Variants in CACNA1C observed in about 807,000 individuals in gnomAD.
The protein encoded by CACNA1C is voltage-dependent L-type calcium channel subunit alpha-1C.
CACNA1C carries 30 observed loss-of-function variants against 229.0 expected under a neutral mutation model. That is an observed-to-expected ratio of 0.13 (90% CI 0.10 to 0.18). CACNA1C has a LOEUF of 0.18. CACNA1C is among the 10% of genes least tolerant of loss of function. The pLI is 1.00. For missense variants in CACNA1C, 1,658 were observed against 2,845.0 expected (o/e 0.58, Z 9.49); for synonymous variants, 1,114 against 1,132.5 (o/e 0.98, Z 0.33).
At chr12:2,291,502 A>T (rs906380312) in intron 3 of CACNA1C, among the ~76,000 whole-genome samples, 5 of 152,358 alleles carry the variant, frequency 3.3e-5, no homozygotes, top group Middle Eastern at 3.4e-3. Context: ...TGTTTTAATT[A>T]CTTCAAATTG....
chr12:2,506,629 C>G lies in CACNA1C; in HGVS notation c.1217+1684C>G, dbSNP rs114687871. On this transcript the variant is annotated intron_variant, in intron 8 of 46. Coordinates refer to ENST00000399655, the MANE Select transcript of CACNA1C (RefSeq NM_000719.7). ...TCATCAAATATTAGACATGCTCCAG[C>G]CTTTCCTCTTAAAGATGAGGAGCGT... is the stretch of plus-strand genomic sequence containing the variant. Among the ~76,000 whole-genome samples the G allele has an allele frequency of 7.3e-3, 1,116 of 152,276 alleles. 18 individuals carry two copies. The highest frequency in any genetic ancestry group is 0.026 in the African/African-American group (1,064 of 41,548).
rs538100448 is a variant in CACNA1C at position 2,108,923 on chromosome 12, A to G, written c.50-6301A>G. On this transcript the variant is annotated intron_variant, in intron 1 of 46. Coordinates refer to ENST00000399655, the MANE Select transcript of CACNA1C (RefSeq NM_000719.7). This position sits in a 1 kb window ranked among gnomAD's most constrained non-coding sequence, Gnocchi z 5.3. Reference sequence around the variant, plus strand: ...GCAGGCCCCTTGTCACTACAGCAAGATGACAGACAGCAAGAGCCAAGTGGG... The same window carrying G: ...GCAGGCCCCTTGTCACTACAGCAAGGTGACAGACAGCAAGAGCCAAGTGGG... Among the ~76,000 whole-genome samples, 1 of 152,336 alleles carries G rather than the reference A, an allele frequency of 6.6e-6. No individual in the cohort carries two copies. The highest frequency in any genetic ancestry group is 2.4e-5 in the African/African-American group (1 of 41,572).
intron 3 of CACNA1C, among the ~76,000 whole-genome samples, chr12:2,334,194 G>A (rs1030155996): frequency 2.0e-5 from 3 of 152,204 alleles, no homozygotes; most frequent in African/African-American, 7.2e-5. Context: ...GGCAGAAAGT[G>A]GGTGGAAGCC....
chr12:2,317,436 C>T lies in CACNA1C; in HGVS notation c.478-131540C>T, dbSNP rs149140816. Among the ~76,000 whole-genome samples the T allele has an allele frequency of 4.1e-3, 628 of 152,222 alleles. 6 individuals are homozygous for T. The highest frequency in any genetic ancestry group is 0.013 in the African/African-American group (541 of 41,506). ...GCATGACTCTATTTGTATGAAGTGC[C>T]TAGAGTAATGGAATTTATAGAGATG... On this transcript the variant is annotated intron_variant, in intron 3 of 46. Coordinates refer to ENST00000399655, the MANE Select transcript of CACNA1C (RefSeq NM_000719.7).
rs893022167 is a variant in CACNA1C at position 2,696,593 on chromosome 12, G to C, written c.*5394G>C. The C allele has an allele frequency of 7.0e-6, 1 of 142,706 alleles. No individual in the cohort carries two copies. The highest frequency in any genetic ancestry group is 1.5e-5 in the Non-Finnish European group (1 of 67,306). The allele number at this position is 142,706 out of a possible 1,614,324, so 8.8% of individuals were successfully genotyped here. The stretch of plus-strand genomic sequence containing the variant: ...AATTCACTCATGCACCTCAAACCAA[G>C]GTCATTATCCAAAAAAAAAAAAAAA... On this transcript the variant is annotated 3_prime_UTR_variant, in exon 47 of 47. Coordinates refer to ENST00000399655, the MANE Select transcript of CACNA1C (RefSeq NM_000719.7).
intron 3 of CACNA1C, among the ~76,000 whole-genome samples, chr12:2,143,276 C>A (rs1565955085): frequency 6.6e-6 from 1 of 151,022 alleles, no homozygotes; most frequent in Non-Finnish European, 1.5e-5. Flanking sequence ...CCTAGAAAAT[C>A]TTTAAAATAA....
intron 30 of CACNA1C, among the ~76,000 whole-genome samples, chr12:2,644,372 T>C (rs1372958596): frequency 1.3e-5 from 2 of 152,026 alleles, no homozygotes; most frequent in African/African-American, 4.8e-5. Flanking sequence ...CGCAGGAGAG[T>C]ATTGTGGAGG....
chr12:2,074,073 T>C (rs2062298287), intron 1 of CACNA1C, among the ~76,000 whole-genome samples: 1 of 152,182 alleles, frequency 6.6e-6, no homozygotes, highest in Non-Finnish European at 1.5e-5. Flanking sequence ...GGTTGTATTT[T>C]ATACAGCAAG....
intron 3 of CACNA1C, among the ~76,000 whole-genome samples, chr12:2,379,524 A>G (rs988455698): frequency 2.0e-5 from 3 of 152,136 alleles, no homozygotes; most frequent in African/African-American, 7.2e-5. Context: ...CTCCCGATAG[A>G]ACAGCTTTTT....
rs1237228580 is a variant in CACNA1C, at chr12:2,691,113, G to A, written c.6331G>A (p.Glu2111Lys). The A allele has an allele frequency of 1.9e-6, 3 of 1,611,888 alleles. No homozygotes were observed. The East Asian group carries it at 6.7e-5, about 36-fold the overall frequency. Reference sequence around the variant, plus strand: ...CGCGGGGCAGGACCGAGCCGGGGGCGAAGAGGACGCGGGCTGTGTGCGCGC... The same window carrying A: ...CGCGGGGCAGGACCGAGCCGGGGGCAAAGAGGACGCGGGCTGTGTGCGCGC... Reference protein sequence around the residue: ...RDAGQDRAGGEEDAGCVRARG... With the variant: ...RDAGQDRAGGKEDAGCVRARG... The change falls in exon 47 of 47, where the codon GAA becomes AAA. Residue 2111 changes from glutamate to lysine, a missense_variant. Around this residue, in one of 20 missense-constraint regions of CACNA1C, gnomAD observed 590 missense variants for 700.8 expected, o/e 0.84. Transcript: ENST00000399655.
chr12:2,424,968 A>C (rs1405611027), intron 3 of CACNA1C, among the ~76,000 whole-genome samples: 1 of 152,098 alleles, frequency 6.6e-6, no homozygotes, highest in Non-Finnish European at 1.5e-5. Context: ...GGCCCACTGG[A>C]CTCACCTGGG....
intron 3 of CACNA1C, among the ~76,000 whole-genome samples, chr12:2,426,735 G>A (rs2099035890): frequency 6.6e-6 from 1 of 152,210 alleles, no homozygotes; most frequent in South Asian, 2.1e-4. Context: ...TCTGCTGTCA[G>A]CTGGTGGTTT....
At chr12:2,589,553 AGGCCGGGGCAG>A (rs895519346) in intron 18 of CACNA1C, among the ~76,000 whole-genome samples, 5 of 152,194 alleles carry the variant, frequency 3.3e-5, no homozygotes, top group Admixed American at 6.5e-5. Flanking sequence ...CTGAGGCGAG[AGGCCGGGGCAG>A]GGCAGGAGGG....
intron 1 of CACNA1C, among the ~76,000 whole-genome samples, chr12:2,077,957 C>T (rs191204754): frequency 1.6e-4 from 24 of 152,322 alleles, no homozygotes; most frequent in Non-Finnish European, 3.2e-4. Context: ...AAATCTAAGA[C>T]ATTGATAGAT....
At chr12:2,072,320 TCCTGA>T (rs1370928659) in intron 1 of CACNA1C, among the ~76,000 whole-genome samples, 2 of 152,144 alleles carry the variant, frequency 1.3e-5, no homozygotes, top group African/African-American at 4.8e-5. Flanking sequence ...TGCCCCAGCC[TCCTGA>T]GTAGCTGGGA....
chr12:2,019,721 T>C (rs1283518676), intron 1 of CACNA1C, among the ~76,000 whole-genome samples: 1 of 152,158 alleles, frequency 6.6e-6, no homozygotes, highest in African/African-American at 2.4e-5. Flanking sequence ...TGCTCACAGA[T>C]TGATTTAGTT....
intron 3 of CACNA1C, among the ~76,000 whole-genome samples, chr12:2,230,141 T>A (rs1027449949): frequency 3.9e-5 from 6 of 152,070 alleles, no homozygotes; most frequent in Non-Finnish European, 7.4e-5. Flanking sequence ...GTGCTCAGGA[T>A]GTCCCCTCCC....
At position 2,295,444 on chromosome 12, in the gene CACNA1C, G is replaced by A. The variant is rs574428842; in HGVS notation, c.478-153532G>A. On this transcript the variant is annotated intron_variant, in intron 3 of 46. Coordinates refer to ENST00000399655, the MANE Select transcript of CACNA1C (RefSeq NM_000719.7). ...ACTGTGCACATGAGCCCTGTGGCAC[G>A]TGACAACTGTGCCTGGATACCCCAA... is the stretch of plus-strand genomic sequence containing the variant. Among the ~76,000 whole-genome samples the A allele has an allele frequency of 2.8e-4, 42 of 152,230 alleles. No homozygotes were observed. The South Asian group carries it at 7.9e-3, about 29-fold the overall frequency.
chr12:2,651,830 C>CTTTTTTA lies in CACNA1C; in HGVS notation c.4074+62_4074+63insTTTTTTA. On this transcript the variant is annotated intron_variant, in intron 32 of 46. Coordinates refer to ENST00000399655, the MANE Select transcript of CACNA1C (RefSeq NM_000719.7). This position sits in a 1 kb window ranked among gnomAD's most constrained non-coding sequence, Gnocchi z 5.4. ...CAGGGCTGCCGCGTGGCCCAGAACA[C>CTTTTTTA]AGCTGACACAAGGAGGAGCCCTCCA... The CTTTTTTA allele has an allele frequency of 7.4e-7, 1 of 1,350,850 alleles. No individual in the cohort carries two copies. The highest frequency in any genetic ancestry group is 1.4e-5 in the South Asian group (1 of 72,774). 83.7% of individuals were successfully genotyped at this position (1,350,850 alleles called of 1,614,324 possible).
Sources: gnomAD v4.1 joint callset for allele counts (sites outside exome capture counted in the v4.1 genomes callset) on GRCh38, gnomAD v4.1.1 for gene constraint, gnomAD v4.1.1 regional missense constraint, Gnocchi (gnomAD v3.1) non-coding constraint, MANE v1.5 for transcripts, NCBI Gene and HGNC (gene_info 2026-07-23, HGNC 2026-07-21) for gene names.